Variants in RBFOX1 observed in about 807,000 individuals in gnomAD.
RBFOX1 encodes RNA binding fox-1 homolog 1, also known as RNA binding protein fox-1 homolog 1.
RBFOX1 carries 8 observed loss-of-function variants against 57.7 expected under a neutral mutation model. That is an observed-to-expected ratio of 0.14 (90% CI 0.08 to 0.25). The LOEUF (loss-of-function observed/expected upper bound fraction) is 0.25, where lower values mean the gene tolerates loss of function less well. RBFOX1 is among the 10% of genes least tolerant of loss of function. The pLI, the probability that RBFOX1 is intolerant of heterozygous loss-of-function variation, is 1.00. For missense variants in RBFOX1, 611 were observed against 548.5 expected, an observed-to-expected ratio of 1.11 and a Z score of -1.14; for synonymous variants, 326 against 222.4, an observed-to-expected ratio of 1.47 and a Z score of -4.15.
rs2098443010 is a variant in RBFOX1 at position 6,637,075 on chromosome 16, T to C, written c.-63-17528T>C. On this transcript the variant is annotated intron_variant, in intron 2 of 15. Coordinates refer to ENST00000550418, the MANE Select transcript of RBFOX1 (RefSeq NM_018723.4). ...ACATATTTATATGTATAAATATGTT[T>C]AATATATATAATACATATTAAATAT... Among the ~76,000 whole-genome samples, 3 of 71,490 alleles carry C rather than the reference T, an allele frequency of 4.2e-5. 1 individual carries two copies. Among genetic ancestry groups the C allele is most frequent in the South Asian group, 1.3e-3 (2 of 1,570 alleles). The allele number at this position is 71,490 out of a possible 152,430, so 46.9% of individuals were successfully genotyped here.
chr16:7,688,745 A>G (rs914587219), intron 14 of RBFOX1, among the ~76,000 whole-genome samples: 1 of 152,136 alleles, frequency 6.6e-6, no homozygotes, highest in Non-Finnish European at 1.5e-5. Flanking sequence ...TAGTCAGGCT[A>G]GTGACATAAG....
chr16:6,689,471 A>G (rs2059906704), intron 3 of RBFOX1, among the ~76,000 whole-genome samples: 1 of 152,184 alleles, frequency 6.6e-6, no homozygotes, highest in African/African-American at 2.4e-5. Context: ...TTAAATACTC[A>G]TCTTCTAAGG....
At chr16:7,536,457 G>C (rs1034956032) in intron 5 of RBFOX1, among the ~76,000 whole-genome samples, 2 of 152,138 alleles carry the variant, frequency 1.3e-5, no homozygotes, top group African/African-American at 4.8e-5. Context: ...AGCCAGGTGT[G>C]GTGCTGCACA....
chr16:6,335,904 G>A (rs1407026827), intron 2 of RBFOX1, among the ~76,000 whole-genome samples: 1 of 150,408 alleles, frequency 6.6e-6, no homozygotes, highest in African/African-American at 2.4e-5. Context: ...GTCCATCATT[G>A]TTCTCCAGGT....
chr16:6,857,954 C>T (rs1303377619), intron 3 of RBFOX1, among the ~76,000 whole-genome samples: 1 of 152,172 alleles, frequency 6.6e-6, no homozygotes, highest in Non-Finnish European at 1.5e-5. Context: ...CAAGACAATA[C>T]TGGTTTTTCG....
chr16:5,673,139 C>A (rs1372943943), intron 3 of RBFOX1, among the ~76,000 whole-genome samples: 1 of 151,986 alleles, frequency 6.6e-6, no homozygotes, highest in Non-Finnish European at 1.5e-5. Flanking sequence ...CTGACACACA[C>A]AAGCCTTATA....
chr16:5,831,685 C>T (rs1257065841), intron 3 of RBFOX1, among the ~76,000 whole-genome samples: 2 of 151,850 alleles, frequency 1.3e-5, no homozygotes, highest in Non-Finnish European at 2.9e-5. Flanking sequence ...GACGGGGTTT[C>T]ACCATGTTGG....
intron 5 of RBFOX1, chr16:7,519,822 C>G (rs2077140401): frequency 5.6e-6 from 4 of 715,682 alleles, no homozygotes; most frequent in African/African-American, 3.9e-5. Flanking sequence ...AAAGAAAACA[C>G]TGACTAACTT....
chr16:7,026,649 A>G lies in RBFOX1; in HGVS notation c.-15-25408A>G, dbSNP rs74008512. Among the ~76,000 whole-genome samples the G allele has an allele frequency of 9.2e-3, 1,396 of 152,290 alleles. 27 individuals carry two copies. Among genetic ancestry groups the G allele is most frequent in the African/African-American group, 0.032 (1,320 of 41,566 alleles). The stretch of plus-strand genomic sequence containing the variant: ...GCCTTGGGTCCCCTGGTCAGGATCC[A>G]GCTGAAACAACCAGAAATACTGTCC... On this transcript the variant is annotated intron_variant, in intron 3 of 15. Coordinates refer to ENST00000550418, the MANE Select transcript of RBFOX1 (RefSeq NM_018723.4).
rs145718793 is a variant in RBFOX1 at position 5,397,529 on chromosome 16, T to C, written c.220-69687T>C. Among the ~76,000 whole-genome samples the C allele has an allele frequency of 3.7e-3, 561 of 152,290 alleles. 7 individuals are homozygous for C. Among genetic ancestry groups the C allele is most frequent in the African/African-American group, 0.013 (546 of 41,554 alleles). On this transcript the variant is annotated intron_variant, in intron 1 of 2. Coordinates refer to the RBFOX1 transcript ENST00000585867. ...AACCCCATTCCCCTCTGTACCACAT[T>C]ACAGGGCCCTGCTAAAGACACTGAT... is the stretch of plus-strand genomic sequence containing the variant.
intron 11 of RBFOX1, among the ~76,000 whole-genome samples, chr16:7,644,314 G>T (rs936756658): frequency 6.6e-6 from 1 of 152,196 alleles, no homozygotes; most frequent in African/African-American, 2.4e-5. Flanking sequence ...CAATTAGCAA[G>T]TGCTAGTAAA....
intron 3 of RBFOX1, among the ~76,000 whole-genome samples, chr16:7,029,075 TATATATACACAC>T (rs1454018785): frequency 1.7e-4 from 8 of 46,052 alleles, no homozygotes; most frequent in African/African-American, 4.7e-4. Flanking sequence ...TATATATATA[TATATATACACAC>T]ACACACACAC....
chr16:6,910,769 C>G (rs1007520003), intron 3 of RBFOX1, among the ~76,000 whole-genome samples: 4 of 152,200 alleles, frequency 2.6e-5, no homozygotes, highest in Non-Finnish European at 5.9e-5. Flanking sequence ...CACAGCAAAA[C>G]CATCAGATCC....
intron 3 of RBFOX1, among the ~76,000 whole-genome samples, chr16:5,856,563 A>ATGTGTG (rs1317876935): frequency 1.6e-4 from 11 of 66,928 alleles, no homozygotes; most frequent in African/African-American, 6.0e-4. Context: ...GTGTGTGTGT[A>ATGTGTG]TGTGTGTGTG....
intron 4 of RBFOX1, among the ~76,000 whole-genome samples, chr16:7,343,342 C>G (rs1028726958): frequency 7.9e-5 from 12 of 152,038 alleles, no homozygotes; most frequent in Non-Finnish European, 1.5e-4. Context: ...AGTGTCCAGG[C>G]AAGGGAGGAG....
chr16:6,853,752 G>A (rs1403842778), intron 3 of RBFOX1, among the ~76,000 whole-genome samples: 1 of 152,154 alleles, frequency 6.6e-6, no homozygotes, highest in Non-Finnish European at 1.5e-5. Flanking sequence ...GCGCCTCACT[G>A]TGCGTGGAGA....
intron 3 of RBFOX1, among the ~76,000 whole-genome samples, chr16:6,777,368 G>A (rs1409930497): frequency 6.6e-6 from 1 of 152,090 alleles, no homozygotes; most frequent in Non-Finnish European, 1.5e-5. Context: ...CTATTTGTGT[G>A]TCCCTGAGAA....
chr16:6,198,484 T>C (rs944913775), intron 1 of RBFOX1, among the ~76,000 whole-genome samples: 3 of 152,168 alleles, frequency 2.0e-5, no homozygotes, highest in Non-Finnish European at 2.9e-5. Flanking sequence ...TAGAGGACAA[T>C]GAATGCTTTT....
intron 2 of RBFOX1, among the ~76,000 whole-genome samples, chr16:6,352,564 G>C (rs926811641): frequency 1.3e-5 from 2 of 152,114 alleles, no homozygotes; most frequent in African/African-American, 4.8e-5. Flanking sequence ...TGTGAGTGGA[G>C]ATAGCAAAAC....
Sources: allele counts gnomAD v4.1 joint callset (sites outside exome capture counted in the v4.1 genomes callset), GRCh38; gene constraint gnomAD v4.1.1; transcripts MANE v1.5; gene names NCBI Gene and HGNC (gene_info 2026-07-23, HGNC 2026-07-21).